The following ITPA variants were observed in gnomAD, a reference collection of about 807,000 sequenced individuals.
ITPA encodes inosine triphosphatase, also known as inosine triphosphate pyrophosphatase.
Under a neutral mutation model 29.6 loss-of-function variants are expected in ITPA, and 29 were observed. The observed-to-expected ratio is 0.98, with a 90% CI of 0.73 to 1.34. The LOEUF is 1.34. Ranked by LOEUF, ITPA falls within the 40% of genes most tolerant of loss-of-function variation. The probability of loss-of-function intolerance (pLI) is 0.00; values close to 1 mark genes in which losing one functional copy is unlikely to be tolerated. For missense variants in ITPA, 241 were observed against 251.5 expected (o/e 0.96, Z 0.28); for synonymous variants, 103 against 99.3 (o/e 1.04, Z -0.22).
upstream of ITPA, chr20:3,204,410 G>A: frequency 3.2e-6 from 3 of 929,258 alleles, no homozygotes; most frequent in South Asian, 1.6e-5. Context: ...CACGACTAGC[G>A]CACGGACGCG....
chr20:3,209,767 A>G lies in ITPA; in HGVS notation c.66+150A>G. 1.4e-6 allele frequency: 1 copy of G among 695,276 alleles called. No homozygotes were observed. The highest frequency in any genetic ancestry group is 2.8e-5 in the East Asian group (1 of 36,268). The allele number at this position is 695,276 out of a possible 1,614,324, so 43.1% of individuals were successfully genotyped here. On this transcript the variant is annotated intron_variant, in intron 1 of 7. Coordinates refer to ENST00000380113, the MANE Select transcript of ITPA (RefSeq NM_033453.4). The surrounding 1 kb of genome is among the most constrained non-coding windows in gnomAD (Gnocchi z 4.6). Reference sequence around the variant, plus strand: ...TGGGTCCTGACCCGGCTGTGTGGAAAAGCTGGGGCGCAAGAAGGGAGTGGC... The same window carrying G: ...TGGGTCCTGACCCGGCTGTGTGGAAGAGCTGGGGCGCAAGAAGGGAGTGGC...
Position 3,209,626 on chromosome 20 carries a change from A to C in ITPA, c.66+9A>C. On this transcript the variant is annotated intron_variant, in intron 1 of 7. Transcript: ENST00000380113. This position sits in a 1 kb window ranked among gnomAD's most constrained non-coding sequence, Gnocchi z 4.6. ...CCAAGAAGCTGGAGGAGGTGCCGGG[A>C]GGGTGTTGGGGGCTAACTGGGAGGC... 6.2e-7 allele frequency: 1 copy of C among 1,613,382 alleles called. No homozygotes were observed. The highest frequency in any genetic ancestry group is 8.5e-7 in the Non-Finnish European group (1 of 1,179,636).
upstream of ITPA, chr20:3,204,640 A>G: frequency 1.3e-6 from 2 of 1,571,716 alleles, no homozygotes; most frequent in Non-Finnish European, 8.6e-7. Context: ...CGAGGGCCTC[A>G]GTGCAGAACC....
chr20:3,207,886 T>C (rs1209470098), upstream of ITPA, among the ~76,000 whole-genome samples: 5 of 150,186 alleles, frequency 3.3e-5, no homozygotes, highest in Non-Finnish European at 7.4e-5. Context: ...TCCCAGCTAC[T>C]CAGGAGGCTG....
At chr20:3,204,700 C>T (rs564313697), upstream of ITPA, 2 of 1,433,780 alleles carry the variant, frequency 1.4e-6, no homozygotes, top group African/African-American at 2.8e-5. Context: ...CCCTATTTCC[C>T]AATCTAGACT....
At chr20:3,213,679 G>A (rs779576382) in intron 3 of ITPA, among the ~76,000 whole-genome samples, 6 of 152,004 alleles carry the variant, frequency 3.9e-5, no homozygotes, top group African/African-American at 9.7e-5. Flanking sequence ...CACATCCACC[G>A]CTGCATTCAC....
chr20:3,223,612 A>T lies in ITPA; in HGVS notation c.*150A>T. ...GTAGCCTCACCGGCCTGTCTGGAGG[A>T]GCAGCTGGCTCTGCTCTGAGAAACT... On this transcript the variant is annotated 3_prime_UTR_variant, in exon 8 of 8. Coordinates refer to ENST00000380113, the MANE Select transcript of ITPA (RefSeq NM_033453.4). The T allele has an allele frequency of 1.5e-6, 1 of 674,984 alleles. No individual in the cohort carries two copies. The highest frequency in any genetic ancestry group is 2.7e-6 in the Non-Finnish European group (1 of 374,718). 41.8% of individuals were successfully genotyped at this position (674,984 alleles called of 1,614,324 possible).
rs1299283367 is a variant in ITPA, at chr20:3,218,637, G to A, written c.411+5G>A. On this transcript the variant is annotated splice_donor_5th_base_variant and intron_variant, in intron 6 of 7. Coordinates refer to ENST00000380113, the MANE Select transcript of ITPA (RefSeq NM_033453.4). ...CTGTTCAGGGGCCGGACCTCGGTGCGTACCCACCTTGATGCAGTTCCCGCC... is the reference window on the plus strand; with the variant it reads ...CTGTTCAGGGGCCGGACCTCGGTGCATACCCACCTTGATGCAGTTCCCGCC... 3 of 1,604,166 alleles carry A rather than the reference G, an allele frequency of 1.9e-6. No individual in the cohort carries two copies. In the Admixed American group the frequency reaches 5.0e-5, roughly 27 times the overall value.
intron 7 of ITPA, 124 bp from the exon 8 acceptor site, chr20:3,223,242 C>A: frequency 1.3e-6 from 1 of 742,324 alleles, no homozygotes; most frequent in Non-Finnish European, 2.4e-6. Flanking sequence ...AGCTGCTGGG[C>A]CCCACTCCCC....
intron 5 of ITPA, among the ~76,000 whole-genome samples, chr20:3,217,236 A>G (rs1031053554): frequency 6.6e-6 from 1 of 152,204 alleles, no homozygotes; most frequent in African/African-American, 2.4e-5. Context: ...TGCATAGTAG[A>G]ATATCATAAT....
At chr20:3,215,146 C>T (rs989796110) in intron 4 of ITPA, 135 bp from the exon 5 acceptor site, 14 of 819,524 alleles carry the variant, frequency 1.7e-5, no homozygotes, top group East Asian at 1.0e-4. Flanking sequence ...GGATTATAGG[C>T]GGGACCCACC....
chr20:3,219,682 T>C (rs1004628220), intron 6 of ITPA, among the ~76,000 whole-genome samples: 2 of 147,348 alleles, frequency 1.4e-5, no homozygotes, highest in Non-Finnish European at 3.0e-5. Flanking sequence ...GAGGCGGAGG[T>C]TGCAGTGAGC....
downstream of ITPA, among the ~76,000 whole-genome samples, chr20:3,224,382 G>C (rs2067536518): frequency 1.3e-5 from 2 of 152,160 alleles, no homozygotes; most frequent in African/African-American, 2.4e-5. Flanking sequence ...TCCGTTGTCA[G>C]AGTGCTCAAC....
chr20:3,212,322 A>ATTT (rs112094744), intron 1 of ITPA, among the ~76,000 whole-genome samples: 2 of 146,270 alleles, frequency 1.4e-5, no homozygotes, highest in Non-Finnish European at 3.0e-5. Context: ...AATTATCTTA[A>ATTT]TTTTTTTTTT....
intron 6 of ITPA, 33 bp downstream of exon 6, chr20:3,218,665 G>T (rs1436189654): frequency 6.5e-7 from 1 of 1,549,628 alleles, no homozygotes; most frequent in Non-Finnish European, 8.9e-7. Context: ...TTCCCGCCGC[G>T]CGCCGCCAGG....
At chr20:3,224,442 C>G (rs1457513122), downstream of ITPA, among the ~76,000 whole-genome samples, 1 of 152,196 alleles carries the variant, frequency 6.6e-6, no homozygotes, top group Non-Finnish European at 1.5e-5. Flanking sequence ...GTGGGGCACC[C>G]CCAGGCTTGC....
At chr20:3,215,873 A>AG (rs953694199) in intron 5 of ITPA, among the ~76,000 whole-genome samples, 7 of 151,142 alleles carry the variant, frequency 4.6e-5, no homozygotes, top group African/African-American at 1.7e-4. Context: ...TTTAGTAGAG[A>AG]GGGGGTTTCA....
intron 5 of ITPA, among the ~76,000 whole-genome samples, chr20:3,217,614 G>A (rs879715211): frequency 9.2e-5 from 14 of 151,842 alleles, no homozygotes; most frequent in Non-Finnish European, 1.6e-4. Context: ...GACTACAGGT[G>A]TAAGCCACCA....
chr20:3,215,845 C>A (rs976654896), intron 5 of ITPA, among the ~76,000 whole-genome samples: 2 of 150,512 alleles, frequency 1.3e-5, no homozygotes, highest in African/African-American at 4.9e-5. Context: ...ACCACCACGC[C>A]CTGCTAATTT....
Sources: gnomAD v4.1 joint callset for allele counts (sites outside exome capture counted in the v4.1 genomes callset) on GRCh38, gnomAD v4.1.1 for gene constraint, Gnocchi (gnomAD v3.1) non-coding constraint, MANE v1.5 for transcripts, NCBI Gene and HGNC (gene_info 2026-07-23, HGNC 2026-07-21) for gene names.